ADAMTS6: variants seen among roughly 807,000 people sequenced by gnomAD.
ADAMTS6 encodes the protein A disintegrin and metalloproteinase with thrombospondin motifs 6.
ADAMTS6 carries 23 observed loss-of-function variants against 144.3 expected under a neutral mutation model. The observed-to-expected ratio is 0.16, with a 90% confidence interval of 0.11 to 0.23. The LOEUF (loss-of-function observed/expected upper bound fraction) is 0.23, where lower values mean the gene tolerates loss of function less well. ADAMTS6 is among the 10% of genes least tolerant of loss of function. The probability of loss-of-function intolerance (pLI) is 1.00; values close to 1 mark genes in which losing one functional copy is unlikely to be tolerated. For synonymous variants in ADAMTS6, 444 were observed against 457.5 expected, an observed-to-expected ratio of 0.97 and a Z score of 0.38; for missense variants, 999 against 1,379.6, an observed-to-expected ratio of 0.72 and a Z score of 4.37.
chr5:65,229,195 T>C (rs1163446090), intron 15 of ADAMTS6, among the ~76,000 whole-genome samples: 2 of 152,190 alleles, frequency 1.3e-5, no homozygotes, highest in African/African-American at 4.8e-5. Flanking sequence ...TTTGTGGAAT[T>C]CAGAGAGGGA....
chr5:65,379,688 T>G (rs182394896), intron 7 of ADAMTS6, among the ~76,000 whole-genome samples: 1 of 151,878 alleles, frequency 6.6e-6, no homozygotes, highest in Non-Finnish European at 1.5e-5. Context: ...CCTAAACACA[T>G]GCACACACAT....
intron 7 of ADAMTS6, among the ~76,000 whole-genome samples, chr5:65,358,322 C>T (rs888863512): frequency 1.3e-5 from 2 of 151,828 alleles, no homozygotes; most frequent in African/African-American, 4.8e-5. Context: ...TACCTAAACA[C>T]AATAAAGATC....
chr5:65,475,472 T>C (rs77036043), intron 1 of ADAMTS6, among the ~76,000 whole-genome samples: 48 of 152,252 alleles, frequency 3.2e-4, no homozygotes, highest in African/African-American at 1.2e-3. Flanking sequence ...GGAGAGCTCA[T>C]AATCTAAGTA....
At chr5:65,442,399 AG>A (rs993991667) in intron 7 of ADAMTS6, among the ~76,000 whole-genome samples, 1 of 152,156 alleles carries the variant, frequency 6.6e-6, no homozygotes, top group African/African-American at 2.4e-5. Context: ...TTTAACTGGT[AG>A]TTTAAAAAAA....
At chr5:65,372,761 T>C (rs1751091134) in intron 7 of ADAMTS6, among the ~76,000 whole-genome samples, 1 of 152,162 alleles carries the variant, frequency 6.6e-6, no homozygotes, top group East Asian at 1.9e-4. Context: ...GCAGACCTAA[T>C]AGACATCTAC....
intron 7 of ADAMTS6, among the ~76,000 whole-genome samples, chr5:65,343,054 C>T (rs541820738): frequency 6.6e-6 from 1 of 152,146 alleles, no homozygotes; most frequent in Non-Finnish European, 1.5e-5. Flanking sequence ...GAAGAGGACA[C>T]AAACCAATGG....
intron 10 of ADAMTS6, among the ~76,000 whole-genome samples, chr5:65,299,152 A>C (rs1368667962): frequency 6.6e-6 from 1 of 152,160 alleles, no homozygotes; most frequent in Non-Finnish European, 1.5e-5. Context: ...ATATTATTTA[A>C]AATAATATTT....
chr5:65,267,471 T>A (rs1377177293), intron 12 of ADAMTS6, among the ~76,000 whole-genome samples: 2 of 152,098 alleles, frequency 1.3e-5, no homozygotes, highest in African/African-American at 4.8e-5. Flanking sequence ...TTCTTCTAAA[T>A]TAAATAAATG....
intron 7 of ADAMTS6, among the ~76,000 whole-genome samples, chr5:65,375,655 T>C (rs1751459095): frequency 6.6e-6 from 1 of 152,086 alleles, no homozygotes; most frequent in African/African-American, 2.4e-5. Flanking sequence ...ACTTTTACAC[T>C]GTTGGTGGGA....
chr5:65,466,080 AC>A (rs1207323893), intron 3 of ADAMTS6, among the ~76,000 whole-genome samples: 1 of 151,402 alleles, frequency 6.6e-6, no homozygotes, highest in Admixed American at 6.6e-5. Context: ...CCCCCTACCT[AC>A]TCCTCGAACA....
intron 9 of ADAMTS6, among the ~76,000 whole-genome samples, chr5:65,309,967 T>C (rs1434874759): frequency 6.6e-6 from 1 of 151,976 alleles, no homozygotes; most frequent in East Asian, 1.9e-4. Context: ...TCATGTCAAA[T>C]TGTAATCCCC....
intron 7 of ADAMTS6, among the ~76,000 whole-genome samples, chr5:65,420,229 T>G (rs111418391): frequency 0.011 from 1,659 of 152,274 alleles, 23 homozygotes; most frequent in African/African-American, 0.038. Flanking sequence ...ATGATTCAAT[T>G]ACCTCCACCT....
At chr5:65,279,508 G>C (rs1450395193) in intron 11 of ADAMTS6, among the ~76,000 whole-genome samples, 2 of 151,336 alleles carry the variant, frequency 1.3e-5, no homozygotes, top group African/African-American at 4.9e-5. Flanking sequence ...GTAGAGACAG[G>C]GTTTCACCAC....
intron 20 of ADAMTS6, chr5:65,210,477 T>C: frequency 4.1e-6 from 1 of 242,110 alleles, no homozygotes; most frequent in Non-Finnish European, 8.1e-6. Flanking sequence ...AAAAGATCTA[T>C]GAAGGCCAAG....
intron 11 of ADAMTS6, among the ~76,000 whole-genome samples, chr5:65,276,844 A>T (rs1310505459): frequency 6.6e-6 from 1 of 152,186 alleles, no homozygotes; most frequent in Non-Finnish European, 1.5e-5. Context: ...AGTGAGAAAG[A>T]ATGATTTTCT....
At chr5:65,421,614 C>A (rs1354486410) in intron 7 of ADAMTS6, among the ~76,000 whole-genome samples, 1 of 152,180 alleles carries the variant, frequency 6.6e-6, no homozygotes, top group African/African-American at 2.4e-5. Context: ...GTAACAAAAA[C>A]AGCATGGTAT....
chr5:65,462,458 T>C (rs527826319), intron 3 of ADAMTS6, among the ~76,000 whole-genome samples: 2 of 152,344 alleles, frequency 1.3e-5, no homozygotes, highest in South Asian at 4.1e-4. Flanking sequence ...AGATTTTATA[T>C]GTTAGGTACT....
chr5:65,222,622 G>A (rs1757410970), intron 18 of ADAMTS6, among the ~76,000 whole-genome samples: 1 of 151,994 alleles, frequency 6.6e-6, no homozygotes, highest in African/African-American at 2.4e-5. Flanking sequence ...AGATTTGCCT[G>A]GTTGTCTCTC....
At chr5:65,340,154 A>T (rs1047419794) in intron 7 of ADAMTS6, among the ~76,000 whole-genome samples, 1 of 152,110 alleles carries the variant, frequency 6.6e-6, no homozygotes, top group Non-Finnish European at 1.5e-5. Context: ...TAAACAAATC[A>T]CCATTAGACT....
Sources: allele counts gnomAD v4.1 joint callset (sites outside exome capture counted in the v4.1 genomes callset), GRCh38; gene constraint gnomAD v4.1.1; transcripts MANE v1.5; gene names NCBI Gene and HGNC (gene_info 2026-07-23, HGNC 2026-07-21).